The following SLC24A3 variants were observed in gnomAD, a reference collection of about 807,000 sequenced individuals.
SLC24A3 encodes solute carrier family 24 member 3, also known as sodium/potassium/calcium exchanger 3.
In SLC24A3, 28 loss-of-function variants were observed where a neutral mutation model predicts 75.8. That is an observed-to-expected ratio of 0.37 (90% CI 0.27 to 0.51). SLC24A3 has a LOEUF of 0.51. Among genes scored for constraint, SLC24A3 ranks in the 20% least tolerant of loss-of-function variants. The pLI is 0.94. For missense variants in SLC24A3, 663 were observed against 847.8 expected (o/e 0.78, Z 2.71); for synonymous variants, 372 against 334.1 (o/e 1.11, Z -1.24).
chr20:19,446,886 A>G (rs1237388721), intron 2 of SLC24A3, among the ~76,000 whole-genome samples: 1 of 152,222 alleles, frequency 6.6e-6, no homozygotes, highest in East Asian at 1.9e-4. Context: ...GTCTGCCACC[A>G]GATTATCCCA....
intron 2 of SLC24A3, among the ~76,000 whole-genome samples, chr20:19,413,161 A>G (rs1406194867): frequency 6.6e-6 from 1 of 152,224 alleles, no homozygotes; most frequent in Non-Finnish European, 1.5e-5. Context: ...GTATAGGGCC[A>G]GGACTAGAAG....
At chr20:19,367,610 A>G (rs1985916267) in intron 2 of SLC24A3, among the ~76,000 whole-genome samples, 1 of 152,108 alleles carries the variant, frequency 6.6e-6, no homozygotes. Context: ...AGGTTCTCAG[A>G]CTAGCTGTGG....
intron 2 of SLC24A3, among the ~76,000 whole-genome samples, chr20:19,501,224 C>T (rs993063613): frequency 6.6e-6 from 1 of 152,170 alleles, no homozygotes; most frequent in Non-Finnish European, 1.5e-5. Context: ...TGTCCACTTT[C>T]CCTCCTTACT....
intron 3 of SLC24A3, among the ~76,000 whole-genome samples, chr20:19,578,827 T>G (rs1055579883): frequency 5.9e-5 from 9 of 152,082 alleles, no homozygotes; most frequent in African/African-American, 1.9e-4. Context: ...AGAGGCAGGG[T>G]GGACACCTGA....
chr20:19,343,485 A>G (rs527793341), intron 2 of SLC24A3, among the ~76,000 whole-genome samples: 1 of 152,170 alleles, frequency 6.6e-6, no homozygotes, highest in Non-Finnish European at 1.5e-5. Context: ...AATTTAGTCT[A>G]TCGTATCTCA....
intron 6 of SLC24A3, among the ~76,000 whole-genome samples, chr20:19,603,887 G>A (rs2031561848): frequency 6.6e-6 from 1 of 152,172 alleles, no homozygotes; most frequent in South Asian, 2.1e-4. Flanking sequence ...GGTAGCCTCT[G>A]TTACCCCTGG....
intron 6 of SLC24A3, among the ~76,000 whole-genome samples, chr20:19,650,411 G>A (rs573419505): frequency 9.9e-5 from 15 of 152,186 alleles, no homozygotes; most frequent in Middle Eastern, 3.4e-3. Context: ...GCTTAAAGAC[G>A]CAACCCACTC....
At chr20:19,624,709 T>C (rs972912193) in intron 6 of SLC24A3, among the ~76,000 whole-genome samples, 2 of 152,146 alleles carry the variant, frequency 1.3e-5, no homozygotes, top group African/African-American at 4.8e-5. Context: ...AAAAATTATA[T>C]AGTTACTGAA....
At chr20:19,559,070 C>G (rs181250410) in intron 3 of SLC24A3, among the ~76,000 whole-genome samples, 1 of 152,250 alleles carries the variant, frequency 6.6e-6, no homozygotes, top group East Asian at 1.9e-4. Flanking sequence ...ATGGCTTTAC[C>G]TTTCACACTC....
At chr20:19,571,267 C>T (rs1427548189) in intron 3 of SLC24A3, among the ~76,000 whole-genome samples, 1 of 152,100 alleles carries the variant, frequency 6.6e-6, no homozygotes, top group East Asian at 1.9e-4. Context: ...CTGTAGGGAG[C>T]ACATCAGCAT....
At chr20:19,548,088 A>T (rs2030630633) in intron 3 of SLC24A3, among the ~76,000 whole-genome samples, 1 of 152,216 alleles carries the variant, frequency 6.6e-6, no homozygotes, top group East Asian at 1.9e-4. Context: ...CAGTCCCAGT[A>T]CATGAAGAAT....
At chr20:19,622,123 A>G (rs1452752563) in intron 6 of SLC24A3, among the ~76,000 whole-genome samples, 1 of 152,250 alleles carries the variant, frequency 6.6e-6, no homozygotes, top group African/African-American at 2.4e-5. Context: ...ACTTCAGTGC[A>G]TGATTGCACT....
chr20:19,667,296 G>C (rs962530353), intron 8 of SLC24A3, among the ~76,000 whole-genome samples: 1 of 152,214 alleles, frequency 6.6e-6, no homozygotes, highest in Non-Finnish European at 1.5e-5. Context: ...GAATCATAGT[G>C]ACCAATAGGC....
chr20:19,717,051 G>A (rs1449133051), intron 15 of SLC24A3, among the ~76,000 whole-genome samples: 1 of 152,200 alleles, frequency 6.6e-6, no homozygotes, highest in African/African-American at 2.4e-5. Flanking sequence ...TTCCCATCAA[G>A]TTAGGGGAAG....
At chr20:19,338,842 A>G (rs141019134) in intron 2 of SLC24A3, among the ~76,000 whole-genome samples, 1,699 of 152,320 alleles carry the variant, frequency 0.011, 15 homozygotes, top group Non-Finnish European at 0.016. Context: ...ACTCAATGAT[A>G]GAGGTTATTA....
intron 3 of SLC24A3, among the ~76,000 whole-genome samples, chr20:19,533,088 C>T (rs2030330833): frequency 6.6e-6 from 1 of 152,228 alleles, no homozygotes. Context: ...TGGATTAAAA[C>T]AATTTGTTAT....
chr20:19,244,596 C>T (rs184284263), intron 1 of SLC24A3, among the ~76,000 whole-genome samples: 21 of 152,204 alleles, frequency 1.4e-4, no homozygotes, highest in African/African-American at 3.4e-4. Flanking sequence ...GAGAAGGCAG[C>T]GGCAGGCCGG....
In SLC24A3 at chr20:19,669,995, C is replaced by A. The variant is rs142517723; in HGVS notation, c.714-3606C>A. ...GGAGGAAAGGGGAGAAGGTGCCCAG[C>A]GTCCTAGGTGAAAGGGCGAGAAAGG... On this transcript the variant is annotated intron_variant, in intron 8 of 16. Transcript: ENST00000328041. Among the ~76,000 whole-genome samples, 563 of 152,176 alleles carry A rather than the reference C, an allele frequency of 3.7e-3. 5 individuals are homozygous for A. The highest frequency in any genetic ancestry group is 0.012 in the African/African-American group (518 of 41,508).
At chr20:19,623,138 G>T (rs1165711497) in intron 6 of SLC24A3, among the ~76,000 whole-genome samples, 2 of 151,906 alleles carry the variant, frequency 1.3e-5, no homozygotes, top group African/African-American at 4.8e-5. Context: ...TTTTTGCTTG[G>T]TTTTATTTTT....
Sources: gnomAD v4.1 joint callset for allele counts (sites outside exome capture counted in the v4.1 genomes callset) on GRCh38, gnomAD v4.1.1 for gene constraint, MANE v1.5 for transcripts, NCBI Gene and HGNC (gene_info 2026-07-23, HGNC 2026-07-21) for gene names.